Variants in PARP14 observed in about 807,000 individuals in gnomAD.
PARP14 encodes protein mono-ADP-ribosyltransferase PARP14.
PARP14 carries 59 observed loss-of-function variants against 154.2 expected under a neutral mutation model. That is an observed-to-expected ratio of 0.38 (90% CI 0.31 to 0.48). The LOEUF is 0.48. Among genes scored for constraint, PARP14 ranks in the 20% least tolerant of loss-of-function variants. The pLI is 0.98. For missense variants in PARP14, 1,734 were observed against 2,131.6 expected, an observed-to-expected ratio of 0.81 and a Z score of 3.67; for synonymous variants, 720 against 780.5, an observed-to-expected ratio of 0.92 and a Z score of 1.29.
At chr3:122,685,145 G>T (rs913249025) in intron 1 of PARP14, 40 bp from the exon 2 acceptor site, 4 of 1,604,404 alleles carry the variant, frequency 2.5e-6, no homozygotes, top group Admixed American at 1.7e-5. Context: ...AATAAAGATT[G>T]CTTGTCATTT....
In PARP14 at chr3:122,700,647, A is replaced by G. The variant is rs1367249631; in HGVS notation, c.2093A>G (p.Lys698Arg). 1 of 1,606,924 alleles carries G rather than the reference A, an allele frequency of 6.2e-7. No homozygotes were observed. Among genetic ancestry groups the G allele is most frequent in the Admixed American group, 1.7e-5 (1 of 58,812 alleles). Residue 698 changes from lysine to arginine, a missense_variant, in exon 6 of 17, where the codon AAG becomes AGG. Lys to Arg is a conservative substitution (Grantham distance 26). Transcript: ENST00000474629. ...TEKKLFWPKI[K>R]KVNVQVSFNP... Reference sequence around the variant, plus strand: ...AAGAAGCTATTCTGGCCAAAGATAAAGAAGGTAAATGTGCAGGTAAGTTTC... The same window carrying G: ...AAGAAGCTATTCTGGCCAAAGATAAGGAAGGTAAATGTGCAGGTAAGTTTC...
chr3:122,695,042 T>A (rs775333626), intron 4 of PARP14, among the ~76,000 whole-genome samples: 28 of 152,092 alleles, frequency 1.8e-4, no homozygotes, highest in Non-Finnish European at 3.1e-4. Context: ...TAGTTTCGAG[T>A]CACATCACCA....
intron 10 of PARP14, 53 bp downstream of exon 10, chr3:122,713,626 AG>A (rs1939392213): frequency 6.5e-7 from 1 of 1,533,836 alleles, no homozygotes; most frequent in Non-Finnish European, 8.9e-7. Flanking sequence ...GCTATGAAGG[AG>A]GGTTTCTATA....
intron 15 of PARP14, 22 bp from the exon 16 acceptor site, chr3:122,727,790 A>G (rs532514150): frequency 6.5e-7 from 1 of 1,536,802 alleles, no homozygotes; most frequent in African/African-American, 1.4e-5. Context: ...CTGGCAGAAT[A>G]TTATCCTTTA....
chr3:122,712,240 C>CTT (rs55876947), intron 9 of PARP14, among the ~76,000 whole-genome samples: 2 of 138,358 alleles, frequency 1.4e-5, no homozygotes, highest in Non-Finnish European at 3.2e-5. Context: ...GGATTCACAT[C>CTT]TTTTTTTTTT....
rs1933351688 is a variant in PARP14 at position 122,728,830 on chromosome 3, G to A, written c.*233G>A. 1 of 460,190 alleles carries A rather than the reference G, an allele frequency of 2.2e-6. No individual in the cohort carries two copies. Among genetic ancestry groups the A allele is most frequent in the East Asian group, 4.0e-5 (1 of 24,912 alleles). The allele number at this position is 460,190 out of a possible 1,614,324, so 28.5% of individuals were successfully genotyped here. On this transcript the variant is annotated 3_prime_UTR_variant, in exon 17 of 17. Coordinates refer to ENST00000474629, the MANE Select transcript of PARP14 (RefSeq NM_017554.3). ...AATGAGATAATGCAGTTGCAACTGT[G>A]TGTCCACAAGTATGGACATCAAATC...
chr3:122,699,664 C>T lies in PARP14; in HGVS notation c.1110C>T (p.Ala370=), dbSNP rs1172282884. The change falls in exon 6 of 17, where the codon GCC becomes GCT. Residue 370 remains alanine (A), a synonymous_variant. Transcript: ENST00000474629. The stretch of plus-strand genomic sequence containing the variant: ...GTAAAGTTACCATCAGACCAGCAGC[C>T]ACCTTAGTCAATGAAGGAAGACCGA... ...LSGKVTIRPA[A]TLVNEGRPRI... The T allele has an allele frequency of 1.2e-6, 2 of 1,614,014 alleles. No homozygotes were observed. The highest frequency in any genetic ancestry group is 1.7e-6 in the Non-Finnish European group (2 of 1,179,894).
At chr3:122,710,636 T>A (rs1483464556) in intron 9 of PARP14, among the ~76,000 whole-genome samples, 2 of 152,148 alleles carry the variant, frequency 1.3e-5, no homozygotes, top group Non-Finnish European at 2.9e-5. Context: ...ATCTGTAGAT[T>A]GCTTTGGGCA....
At position 122,700,165 on chromosome 3, in the gene PARP14, G is replaced by C. The variant is rs1938908997; in HGVS notation, c.1611G>C (p.Gln537His). The C allele has an allele frequency of 6.2e-7, 1 of 1,612,980 alleles. No homozygotes were observed. The highest frequency in any genetic ancestry group is 1.7e-5 in the Admixed American group (1 of 59,854). ...ACACCATGGCTCAGAAAAACATTCA[G>C]GTTTCTCCTGAGATTTTTCAGTTTT... ...KVYTMAQKNIQVSPEIFQFLQ... is the reference protein window; with the variant it reads ...KVYTMAQKNIHVSPEIFQFLQ... The change falls in exon 6 of 17, where the codon CAG (glutamine) becomes CAC (histidine). Residue 537 changes from glutamine (Q) to histidine (H), a missense_variant. Physicochemically the swap from Gln to His is conservative, Grantham distance 24. Around this residue, in one of 2 missense-constraint regions of PARP14, gnomAD observed 1,646 missense variants for 1,976.0 expected, o/e 0.83. Coordinates refer to ENST00000474629, the MANE Select transcript of PARP14 (RefSeq NM_017554.3).
chr3:122,725,762 G>A (rs1282665943), intron 15 of PARP14, among the ~76,000 whole-genome samples: 2 of 152,070 alleles, frequency 1.3e-5, no homozygotes, highest in Non-Finnish European at 2.9e-5. Context: ...TTTAACTAGA[G>A]TACTTAATCT....
chr3:122,728,205 A>G (rs1933338812), intron 16 of PARP14, 103 bp from the exon 17 acceptor site: 3 of 1,147,448 alleles, frequency 2.6e-6, no homozygotes, highest in Non-Finnish European at 3.7e-6. Context: ...CACACAAAAA[A>G]TTTTAAGAGA....
At chr3:122,685,089 T>C in intron 1 of PARP14, 96 bp from the exon 2 acceptor site, 1 of 1,362,610 alleles carries the variant, frequency 7.3e-7, no homozygotes, top group Non-Finnish European at 1.0e-6. Flanking sequence ...ACCAAGCCAT[T>C]GATTGATGGT....
intron 3 of PARP14, among the ~76,000 whole-genome samples, chr3:122,688,023 T>C (rs1332096609): frequency 1.3e-5 from 2 of 152,344 alleles, no homozygotes; most frequent in Admixed American, 1.3e-4. Context: ...GATGTCCTGT[T>C]AAAACTGTAG....
At position 122,681,017 on chromosome 3, in the gene PARP14, G is replaced by A. The variant is rs1938186654; in HGVS notation, c.134G>A (p.Arg45His). The change falls in exon 1 of 17, where the codon CGC (arginine) becomes CAC (histidine). Residue 45 changes from arginine (R) to histidine (H), a missense_variant. Physicochemically the swap from Arg to His is conservative, Grantham distance 29. Coordinates refer to ENST00000474629, the MANE Select transcript of PARP14 (RefSeq NM_017554.3). This position sits in a 1 kb window ranked among gnomAD's most constrained non-coding sequence, Gnocchi z 5.5. The stretch of plus-strand genomic sequence containing the variant: ...TCGGGAGGCGGCGAGTGTGAGGTCC[G>A]CCAGGATCCCAGGAGCCCATCCCGC... ...KRSGGGECEV[R>H]QDPRSPSRFL... The A allele has an allele frequency of 6.2e-7, 1 of 1,613,708 alleles. No individual in the cohort carries two copies. Among genetic ancestry groups the A allele is most frequent in the South Asian group, 1.1e-5 (1 of 91,070 alleles).
Position 122,700,957 on chromosome 3 carries a change from C to T in PARP14, c.2403C>T (p.Gly801=), listed in dbSNP as rs746106531. The change falls in exon 6 of 17, where the codon GGC becomes GGT. Residue 801 remains glycine, a synonymous_variant. Coordinates refer to ENST00000474629, the MANE Select transcript of PARP14 (RefSeq NM_017554.3). Reference sequence around the variant, plus strand: ...TCTCTCGGACAGTCTTGGCCCCTGGCGTTGTGCTGATTGTGCAGCAGGGTG... The same window carrying T: ...TCTCTCGGACAGTCTTGGCCCCTGGTGTTGTGCTGATTGTGCAGCAGGGTG... ...KCFSRTVLAP[G]VVLIVQQGDL... 3.0e-5 allele frequency: 48 copies of T among 1,613,768 alleles called. No individual in the cohort carries two copies. The highest frequency in any genetic ancestry group is 3.7e-5 in the Non-Finnish European group (44 of 1,179,864).
chr3:122,686,677 G>A lies in PARP14; in HGVS notation c.322-403G>A, dbSNP rs139660111. On this transcript the variant is annotated intron_variant, in intron 2 of 16. Transcript: ENST00000474629. ...AGATGGGGTCTCACTATGTTGCCCA[G>A]GCTGGCCTTGAACTCCTGGCCTCAA... 1,059 of 162,710 alleles carry A rather than the reference G, an allele frequency of 6.5e-3. 5 individuals carry two copies. Among genetic ancestry groups the A allele is most frequent in the African/African-American group, 0.022 (919 of 41,684 alleles). 10.1% of individuals were successfully genotyped at this position (162,710 alleles called of 1,614,324 possible).
chr3:122,704,664 G>A lies in PARP14; in HGVS notation c.3456G>A (p.Val1152=), dbSNP rs1252414406. ...NIFAELIISE[V]FKFSSKNQLK... is the part of the protein sequence containing the mutation. ...TCGCTGAATTAATCATTTCAGAGGT[G>A]TTCAAATTTAGTAGCAAGAATCAGC... is the stretch of plus-strand genomic sequence containing the variant. Residue 1152 remains valine (V), a synonymous_variant, in exon 8 of 17, where the codon GTG becomes GTA. Transcript: ENST00000474629. The A allele has an allele frequency of 6.2e-7, 1 of 1,606,710 alleles. No individual in the cohort carries two copies. The highest frequency in any genetic ancestry group is 8.5e-7 in the Non-Finnish European group (1 of 1,175,930).
chr3:122,727,208 G>A (rs1431939338), intron 15 of PARP14, among the ~76,000 whole-genome samples: 1 of 152,150 alleles, frequency 6.6e-6, no homozygotes, highest in Non-Finnish European at 1.5e-5. Flanking sequence ...GAGTTTAGAA[G>A]TAGAACTGCA....
At chr3:122,695,904 A>T (rs148760577) in intron 5 of PARP14, among the ~76,000 whole-genome samples, 12 of 152,328 alleles carry the variant, frequency 7.9e-5, no homozygotes, top group African/African-American at 2.9e-4. Context: ...TCTACCTATG[A>T]TGGGCTGAAA....
Sources: gnomAD v4.1 joint callset for allele counts (sites outside exome capture counted in the v4.1 genomes callset) on GRCh38, gnomAD v4.1.1 for gene constraint, gnomAD v4.1.1 regional missense constraint, Gnocchi (gnomAD v3.1) non-coding constraint, MANE v1.5 for transcripts, NCBI Gene and HGNC (gene_info 2026-07-23, HGNC 2026-07-21) for gene names.